Variants in GAK observed in about 807,000 individuals in gnomAD.
The protein encoded by GAK is cyclin-G-associated kinase.
GAK carries 79 observed loss-of-function variants against 143.9 expected under a neutral mutation model. The observed-to-expected ratio is 0.55, with a 90% confidence interval of 0.46 to 0.66. The LOEUF is 0.66. Ranked by LOEUF, GAK falls within the 30% of genes least tolerant of loss-of-function variation. GAK has a pLI of 0.00. For synonymous variants in GAK, 881 were observed against 765.5 expected (o/e 1.15, Z -2.49); for missense variants, 1,693 against 1,779.7 (o/e 0.95, Z 0.88).
At chr4:859,806 C>A in intron 23 of GAK, 84 bp from the exon 24 acceptor site, 2 of 950,682 alleles carry the variant, frequency 2.1e-6, no homozygotes, top group Non-Finnish European at 3.2e-6. Context: ...CGCCTCCTTA[C>A]GACATGACAG....
intron 19 of GAK, among the ~76,000 whole-genome samples, chr4:870,507 T>A (rs1712326281): frequency 6.6e-6 from 1 of 152,204 alleles, no homozygotes; most frequent in African/African-American, 2.4e-5. Flanking sequence ...AATTGCAGCC[T>A]GCGAGTCCTT....
chr4:849,830 C>CCGGGGGGGGGGGGGG, intron 27 of GAK, 56 bp from the exon 28 acceptor site: 8 of 1,172,318 alleles, frequency 6.8e-6, no homozygotes, highest in Non-Finnish European at 8.3e-6. Flanking sequence ...GCGGGCGGGG[C>CCGGGGGGGGGGGGGG]AGGACCCCCC....
At chr4:868,490 A>G (rs1391826971) in intron 20 of GAK, 49 bp downstream of exon 20, 2 of 1,582,518 alleles carry the variant, frequency 1.3e-6, no homozygotes, top group Non-Finnish European at 8.6e-7. Context: ...GCACCTCCAG[A>G]CCAGGGGCCT....
chr4:862,530 CG>C (rs1358361644), intron 23 of GAK, among the ~76,000 whole-genome samples: 11 of 151,908 alleles, frequency 7.2e-5, no homozygotes, highest in African/African-American at 2.4e-4. Context: ...TGGTGGCAGG[CG>C]CCTGTAGTCC....
chr4:871,899 G>C (rs1712714554), intron 18 of GAK, among the ~76,000 whole-genome samples: 1 of 152,208 alleles, frequency 6.6e-6, no homozygotes, highest in Non-Finnish European at 1.5e-5. Context: ...GCGGGCAGCA[G>C]GCTCCCCATG....
Position 849,782 on chromosome 4 carries a change from T to G in GAK, c.3835-8A>C. On this transcript the variant is annotated splice_region_variant and splice_polypyrimidine_tract_variant and intron_variant, in intron 27 of 27. Coordinates refer to ENST00000314167, the MANE Select transcript of GAK (RefSeq NM_005255.4). ...GTACGGCTGCCCCGCAGCCTATGGGTGACAGGCGGTGTAAGCGCCTCTTAT... is the reference window on the plus strand; with the variant it reads ...GTACGGCTGCCCCGCAGCCTATGGGGGACAGGCGGTGTAAGCGCCTCTTAT... The G allele has an allele frequency of 6.2e-7, 1 of 1,607,924 alleles. No individual in the cohort carries two copies. Among genetic ancestry groups the G allele is most frequent in the Admixed American group, 1.7e-5 (1 of 59,734 alleles).
At chr4:852,445 AC>A (rs1748338445) in intron 24 of GAK, 1 of 148,388 alleles carries the variant, frequency 6.7e-6, no homozygotes, top group Non-Finnish European at 1.4e-5. Flanking sequence ...TGATCCCGTA[AC>A]TTTTTTTTTT....
chr4:868,176 G>A (rs1003779693), intron 20 of GAK, among the ~76,000 whole-genome samples: 3 of 152,094 alleles, frequency 2.0e-5, no homozygotes, highest in East Asian at 1.9e-4. Context: ...AAAGAGAGGT[G>A]TGGGATCCCC....
chr4:877,732 A>G lies in GAK; in HGVS notation c.1739T>C (p.Val580Ala), dbSNP rs779429549. ...GAACAGCGGCACGGGTGTCATGACC[A>G]CGGCCCTCACCAGGATGGGCTTGCT... ...PHSKPILVRA[V>A]VMTPVPLFSK... The change falls in exon 16 of 28, where the codon GTG becomes GCG. Residue 580 changes from valine to alanine, a missense_variant. This residue lies in a region of GAK where 871 missense variants were observed against 991.0 expected (regional missense o/e 0.88). Coordinates refer to ENST00000314167, the MANE Select transcript of GAK (RefSeq NM_005255.4). 2 of 1,613,390 alleles carry G rather than the reference A, an allele frequency of 1.2e-6. No individual in the cohort carries two copies. The highest frequency in any genetic ancestry group is 2.2e-5 in the South Asian group (2 of 91,032).
At chr4:919,478 G>A (rs559374000) in intron 1 of GAK, among the ~76,000 whole-genome samples, 33 of 152,214 alleles carry the variant, frequency 2.2e-4, no homozygotes, top group Non-Finnish European at 4.3e-4. Context: ...GCCGCACCCC[G>A]CATTTGGTTC....
intron 1 of GAK, among the ~76,000 whole-genome samples, chr4:925,476 C>T (rs577279955): frequency 3.3e-5 from 5 of 152,310 alleles, no homozygotes; most frequent in Admixed American, 2.0e-4. Context: ...TTAATCAACT[C>T]GGCCTCTTTT....
intron 15 of GAK, among the ~76,000 whole-genome samples, chr4:881,041 C>G (rs535317225): frequency 2.0e-5 from 3 of 152,340 alleles, no homozygotes; most frequent in Admixed American, 6.5e-5. Context: ...ATCTCCTCCC[C>G]CCAAGGCTGT....
intron 5 of GAK, 71 bp from the exon 6 acceptor site, chr4:898,229 GGT>G: frequency 6.4e-7 from 1 of 1,573,750 alleles, no homozygotes. Context: ...AAAACGAACG[GGT>G]GTGAGACACA....
intron 5 of GAK, among the ~76,000 whole-genome samples, chr4:899,095 A>T (rs1719364803): frequency 6.6e-6 from 1 of 152,180 alleles, no homozygotes; most frequent in Admixed American, 6.5e-5. Flanking sequence ...CACCCATCTT[A>T]ATGGCAGAGC....
At chr4:901,992 C>G (rs1231608891) in intron 5 of GAK, among the ~76,000 whole-genome samples, 1 of 152,234 alleles carries the variant, frequency 6.6e-6, no homozygotes, top group East Asian at 1.9e-4. Context: ...AATCCCAGCA[C>G]TGTGGGAGGC....
chr4:917,800 A>T (rs529638180), intron 1 of GAK, among the ~76,000 whole-genome samples: 110 of 152,378 alleles, frequency 7.2e-4, no homozygotes, highest in Non-Finnish European at 1.3e-3. Context: ...TTTTTATCTC[A>T]ACTGTTAAAA....
intron 19 of GAK, chr4:869,937 GCACA>G (rs1420880897): frequency 6.8e-6 from 1 of 147,676 alleles, no homozygotes; most frequent in Non-Finnish European, 1.5e-5. Context: ...ACACATGCAT[GCACA>G]CACACAAATG....
chr4:856,214 C>T (rs986897645), intron 24 of GAK, among the ~76,000 whole-genome samples: 2 of 145,800 alleles, frequency 1.4e-5, no homozygotes, highest in Non-Finnish European at 3.0e-5. Context: ...CACCTGCTCA[C>T]CACAGCTGCT....
chr4:905,477 T>TACGGACTCCGCCACGCCCCATGCCAC lies in GAK; in HGVS notation c.383-699_383-698insGTGGCATGGGGCGTGGCGGAGTCCGT, dbSNP rs1560410204. Among the ~76,000 whole-genome samples, 167 of 139,082 alleles carry TACGGACTCCGCCACGCCCCATGCCAC rather than the reference T, an allele frequency of 1.2e-3. 31 individuals are homozygous for TACGGACTCCGCCACGCCCCATGCCAC. The highest frequency in any genetic ancestry group is 4.2e-3 in the African/African-American group (145 of 34,534). 91.2% of individuals were successfully genotyped at this position (139,082 alleles called of 152,430 possible). A position where few individuals can be genotyped will look rare whatever the true frequency, so the allele number is the denominator to read the frequency against. ...AGGGGCTCCGCCACGCCCCATGCCA[T>TACGGACTCCGCCACGCCCCATGCCAC]GCTACGGACTCCGCCACGCCCCATG... On this transcript the variant is annotated intron_variant, in intron 4 of 27. Coordinates refer to ENST00000314167, the MANE Select transcript of GAK (RefSeq NM_005255.4).
Sources: gnomAD v4.1 joint callset for allele counts (sites outside exome capture counted in the v4.1 genomes callset) on GRCh38, gnomAD v4.1.1 for gene constraint, gnomAD v4.1.1 regional missense constraint, MANE v1.5 for transcripts, NCBI Gene and HGNC (gene_info 2026-07-23, HGNC 2026-07-21) for gene names.